Variants in NCOR2 observed in about 807,000 individuals in gnomAD.
NCOR2 encodes the protein nuclear receptor corepressor 2, also known as CTG repeat protein 26.
NCOR2 carries 81 observed loss-of-function variants against 262.9 expected under a neutral mutation model. That is an observed-to-expected ratio of 0.31 (90% confidence interval 0.26 to 0.37). The LOEUF (loss-of-function observed/expected upper bound fraction) is 0.37, where lower values mean the gene tolerates loss of function less well. Among genes scored for constraint, NCOR2 ranks in the 10% least tolerant of loss-of-function variants. NCOR2 has a pLI of 1.00. For synonymous variants in NCOR2, 1,659 were observed against 1,559.3 expected (o/e 1.06, Z -1.51); for missense variants, 3,385 against 3,621.4 (o/e 0.93, Z 1.68).
At chr12:124,562,702 A>C (rs376654670) in intron 1 of NCOR2, among the ~76,000 whole-genome samples, 1 of 152,236 alleles carries the variant, frequency 6.6e-6, no homozygotes, top group South Asian at 2.1e-4. Context: ...CACCGTCTCC[A>C]AAGGGCAACA....
At chr12:124,495,314 A>T (rs1447617555), upstream of NCOR2, 1 of 1,532,204 alleles carries the variant, frequency 6.5e-7, no homozygotes, top group African/African-American at 1.4e-5. The surrounding 1 kb of genome is among the most constrained non-coding windows in gnomAD (Gnocchi z 4.4). Context: ...AATCACCACC[A>T]AGGATTAAAA....
Position 124,389,001 on chromosome 12 carries a change from C to CG in NCOR2, c.1877-3115dup. 6.6e-6 allele frequency among the ~76,000 whole-genome samples: 1 copy of CG among 152,216 alleles called. No homozygotes were observed. Among genetic ancestry groups the CG allele is most frequent in the South Asian group, 2.1e-4 (1 of 4,826 alleles). Reference sequence around the variant, plus strand: ...CTGTGGTGGCCCGGGGCTCCTCCAGCGGCCGCTGCCACCTCTGACGCCGTC... The same window carrying CG: ...CTGTGGTGGCCCGGGGCTCCTCCAGCGGGCCGCTGCCACCTCTGACGCCGTC... On this transcript the variant is annotated intron_variant, in intron 16 of 46. Coordinates refer to ENST00000405201, the Ensembl canonical transcript of NCOR2. The surrounding 1 kb of genome is among the most constrained non-coding windows in gnomAD (Gnocchi z 4.4).
intron 1 of NCOR2, among the ~76,000 whole-genome samples, chr12:124,552,746 T>C (rs1418408114): frequency 6.6e-6 from 1 of 152,130 alleles, no homozygotes; most frequent in Non-Finnish European, 1.5e-5. Context: ...TGGAGTGCAG[T>C]GGCATGATCA....
At chr12:124,340,467 C>A (rs1566365889) in intron 35 of NCOR2, 24 bp from the exon 38 acceptor site, 1 of 1,607,704 alleles carries the variant, frequency 6.2e-7, no homozygotes. Flanking sequence ...AGGCCAGAGA[C>A]TCAGCCCCAG....
upstream of NCOR2, chr12:124,567,549 G>C (rs1415983418): frequency 6.8e-6 from 1 of 146,426 alleles, no homozygotes; most frequent in Non-Finnish European, 1.5e-5. Flanking sequence ...GGCGGACGCG[G>C]GGCTCCGGTG....
At chr12:124,437,546 G>A (rs888058767) in intron 8 of NCOR2, among the ~76,000 whole-genome samples, 2 of 152,160 alleles carry the variant, frequency 1.3e-5, no homozygotes, top group Admixed American at 6.5e-5. Context: ...GTAAGGGTGC[G>A]CCTGCGGCCC....
upstream of NCOR2, among the ~76,000 whole-genome samples, chr12:124,537,239 G>A (rs1308446685): frequency 6.6e-6 from 1 of 152,354 alleles, no homozygotes; most frequent in East Asian, 1.9e-4. Context: ...AATCTGCACT[G>A]AGGGGTTTAT....
At chr12:124,340,507 G>T in intron 35 of NCOR2, 64 bp from the exon 38 acceptor site, 11 of 1,580,376 alleles carry the variant, frequency 7.0e-6, no homozygotes, top group South Asian at 1.1e-5. Context: ...TTTGTCTTCT[G>T]GGGTGGGAAA....
chr12:124,420,129 C>T, intron 12 of NCOR2, 74 bp from the exon 15 acceptor site: 1 of 1,278,776 alleles, frequency 7.8e-7, no homozygotes, highest in Non-Finnish European at 1.1e-6. Flanking sequence ...GAGCTCACAT[C>T]CTGGGCTCAT....
chr12:124,444,302 A>C lies in NCOR2; in HGVS notation c.815+5513T>G, dbSNP rs572046676. 2.3e-4 allele frequency among the ~76,000 whole-genome samples: 35 copies of C among 152,282 alleles called. No homozygotes were observed. In the South Asian group the frequency reaches 6.8e-3, roughly 30 times the overall value. ...GCTGGTAGAGGCACTCATGGGGTGC[A>C]AAGAAGTCAGGGTTTAAAAACACAC... On this transcript the variant is annotated intron_variant, in intron 7 of 46. Coordinates refer to ENST00000405201, the Ensembl canonical transcript of NCOR2.
At chr12:124,372,633 G>A (rs374279785) in intron 19 of NCOR2, 23 bp from the exon 22 acceptor site, 3 of 1,586,396 alleles carry the variant, frequency 1.9e-6, no homozygotes, top group African/African-American at 1.3e-5. Flanking sequence ...AGAAGGAAGA[G>A]GGGATGAGCA....
upstream of NCOR2, among the ~76,000 whole-genome samples, chr12:124,539,990 C>T (rs774008362): frequency 6.6e-6 from 1 of 152,114 alleles, no homozygotes; most frequent in Non-Finnish European, 1.5e-5. The surrounding 1 kb of genome is among the most constrained non-coding windows in gnomAD (Gnocchi z 5.1). Context: ...CCTGCCTCGA[C>T]CAGGACACCA....
At chr12:124,368,505 T>C (rs10773085) in intron 20 of NCOR2, among the ~76,000 whole-genome samples, 114,690 of 152,048 alleles carry the variant, frequency 0.75, 43,923 homozygotes, top group Non-Finnish European at 0.8. Context: ...ACCCGTCACT[T>C]CCACCCGTGG....
chr12:124,444,713 C>T (rs1000290175), intron 7 of NCOR2, among the ~76,000 whole-genome samples: 50 of 151,972 alleles, frequency 3.3e-4, no homozygotes, highest in African/African-American at 1.1e-3. Context: ...ATGCAGGGCC[C>T]GGATACCTTG....
At chr12:124,486,986 G>C (rs1565988308) in intron 1 of NCOR2, among the ~76,000 whole-genome samples, 1 of 152,162 alleles carries the variant, frequency 6.6e-6, no homozygotes, top group Non-Finnish European at 1.5e-5. Flanking sequence ...AGCTGTCTTC[G>C]CTTTTCTACC....
At chr12:124,338,719 A>G (rs2036112562) in intron 37 of NCOR2, among the ~76,000 whole-genome samples, 2 of 151,894 alleles carry the variant, frequency 1.3e-5, no homozygotes, top group South Asian at 4.1e-4. Flanking sequence ...GGACCGGGAA[A>G]GTCTTTCCTC....
At chr12:124,430,557 A>C (rs2043854116) in intron 9 of NCOR2, 58 bp downstream of exon 11, 3 of 1,548,084 alleles carry the variant, frequency 1.9e-6, no homozygotes, top group South Asian at 2.4e-5. Context: ...TCTACTGAGG[A>C]TGCTGGAGCT....
chr12:124,346,896 C>T, intron 30 of NCOR2, 46 bp from the exon 33 acceptor site: 3 of 1,460,494 alleles, frequency 2.1e-6, no homozygotes, highest in Non-Finnish European at 2.7e-6. Context: ...CCCACCCAGA[C>T]CCATCAAGAG....
intron 20 of NCOR2, among the ~76,000 whole-genome samples, chr12:124,364,024 CA>C (rs1416538223): frequency 6.6e-6 from 1 of 152,166 alleles, no homozygotes; most frequent in African/African-American, 2.4e-5. Flanking sequence ...AGTGGGCGGG[CA>C]AGTGCCTCCT....
Sources: allele counts gnomAD v4.1 joint callset (sites outside exome capture counted in the v4.1 genomes callset), GRCh38; gene constraint gnomAD v4.1.1; non-coding constraint Gnocchi (gnomAD v3.1); transcripts MANE v1.5; gene names NCBI Gene and HGNC (gene_info 2026-07-23, HGNC 2026-07-21).